Variants in ACAP2 observed in about 807,000 individuals in gnomAD.
ACAP2 encodes arf-GAP with coiled-coil, ANK repeat and PH domain-containing protein 2.
A neutral mutation model predicts 115.8 loss-of-function variants in ACAP2; 39 were observed. That is an observed-to-expected ratio of 0.34 (90% CI 0.26 to 0.44). The LOEUF is 0.44. Among genes scored for constraint, ACAP2 ranks in the 20% least tolerant of loss-of-function variants. The pLI is 1.00. For missense variants in ACAP2, 662 were observed against 927.6 expected (o/e 0.71, Z 3.72); for synonymous variants, 289 against 315.8 (o/e 0.92, Z 0.90).
intron 4 of ACAP2, among the ~76,000 whole-genome samples, chr3:195,380,752 G>A (rs1395972115): frequency 6.6e-6 from 1 of 152,094 alleles, no homozygotes; most frequent in Non-Finnish European, 1.5e-5. Flanking sequence ...TTGGGTATAT[G>A]TCCTTCAATG....
chr3:195,309,189 T>C (rs890517488), intron 10 of ACAP2, among the ~76,000 whole-genome samples: 3 of 152,202 alleles, frequency 2.0e-5, no homozygotes, highest in African/African-American at 7.2e-5. Flanking sequence ...ACTGAACTCT[T>C]TCCCAAGAAA....
chr3:195,439,188 G>A (rs1291750960), intron 1 of ACAP2, among the ~76,000 whole-genome samples: 1 of 136,200 alleles, frequency 7.3e-6, no homozygotes, highest in Non-Finnish European at 1.5e-5. Flanking sequence ...CCAAGGCTAA[G>A]GCCTTTTTTT....
chr3:195,403,447 A>T (rs1270206145), intron 1 of ACAP2, among the ~76,000 whole-genome samples: 1 of 152,224 alleles, frequency 6.6e-6, no homozygotes. Flanking sequence ...GCAAAGAAAC[A>T]AAAGAGGAAG....
At chr3:195,392,637 C>G (rs1734755315) in intron 1 of ACAP2, among the ~76,000 whole-genome samples, 1 of 152,164 alleles carries the variant, frequency 6.6e-6, no homozygotes, top group Non-Finnish European at 1.5e-5. Context: ...CATCTCTCTT[C>G]TTCTCCTAGC....
intron 21 of ACAP2, among the ~76,000 whole-genome samples, chr3:195,286,195 G>C (rs1016687706): frequency 2.0e-5 from 3 of 152,172 alleles, no homozygotes; most frequent in African/African-American, 7.2e-5. Flanking sequence ...ACTGCCAACT[G>C]TTGAAATTAT....
In ACAP2 at chr3:195,278,555, A is replaced by C. The variant is rs1325026967; in HGVS notation, c.*773T>G. 6.6e-6 allele frequency: 1 copy of C among 152,130 alleles called. No individual in the cohort carries two copies. The highest frequency in any genetic ancestry group is 1.5e-5 in the Non-Finnish European group (1 of 68,020). 9.4% of individuals were successfully genotyped at this position (152,130 alleles called of 1,614,324 possible). A position where few individuals can be genotyped will look rare whatever the true frequency, so the allele number is the denominator to read the frequency against. On this transcript the variant is annotated 3_prime_UTR_variant, in exon 23 of 23. Coordinates refer to ENST00000326793, the MANE Select transcript of ACAP2 (RefSeq NM_012287.6). ...CTTTTATTCCATCGATACATCTGTC[A>C]AGGTTTTGGGGAATCAACCCAACAA...
chr3:195,409,394 G>C (rs1560340424), intron 1 of ACAP2, among the ~76,000 whole-genome samples: 1 of 151,618 alleles, frequency 6.6e-6, no homozygotes, highest in Non-Finnish European at 1.5e-5. Context: ...TAAGTTGAAA[G>C]GCTTGTACAA....
Position 195,424,222 on chromosome 3 carries a change from ATATG to A in ACAP2, c.53+18569_53+18572del, listed in dbSNP as rs1211602464. Among the ~76,000 whole-genome samples, 188 of 80,986 alleles carry A rather than the reference ATATG, an allele frequency of 2.3e-3. 1 individual carries two copies. Among genetic ancestry groups the A allele is most frequent in the Non-Finnish European group, 3.5e-3 (163 of 47,132 alleles). 53.1% of individuals were successfully genotyped at this position (80,986 alleles called of 152,430 possible). A position where few individuals can be genotyped will look rare whatever the true frequency, so the allele number is the denominator to read the frequency against. On this transcript the variant is annotated intron_variant, in intron 1 of 22. Transcript: ENST00000326793. The stretch of plus-strand genomic sequence containing the variant: ...TATATATAAAATACTTAGAATGGTC[ATATG>A]TGTGTGTGTGTGTGTGTGGTGTGTG...
chr3:195,340,083 G>A (rs1162932040), intron 6 of ACAP2, among the ~76,000 whole-genome samples: 2 of 151,160 alleles, frequency 1.3e-5, no homozygotes, highest in African/African-American at 2.4e-5. Context: ...TAGTGACAGG[G>A]CAGGTAAAAG....
In ACAP2 at chr3:195,295,851, C is replaced by T. The variant is rs750220470; in HGVS notation, c.1529G>A (p.Arg510Lys). The T allele has an allele frequency of 2.5e-6, 4 of 1,613,698 alleles. No individual in the cohort carries two copies. The highest frequency in any genetic ancestry group is 1.7e-4 in the Middle Eastern group (1 of 6,052). The change falls in exon 17 of 23, where the codon AGG becomes AAG. Residue 510 changes from arginine to lysine, a missense_variant. Coordinates refer to ENST00000326793, the MANE Select transcript of ACAP2 (RefSeq NM_012287.6). ...EAYIRAKYVE[R>K]KFVDKYSISL... ...TATAGAATATTTATCCACAAATTTC[C>T]TCTCCACATATTTTGCTCTGATATA...
chr3:195,304,163 C>CAAAAAAAA lies in ACAP2; in HGVS notation c.1117-1997_1117-1990dup, dbSNP rs56055597. On this transcript the variant is annotated intron_variant, in intron 13 of 22. Transcript: ENST00000326793. ...TGGGCAATGGAGTGAGACTCCATCTCAAAAAAAAAAAAAAAAAAAAAAAAA... is the reference window on the plus strand; with the variant it reads ...TGGGCAATGGAGTGAGACTCCATCTCAAAAAAAAAAAAAAAAAAAAAAAAAAAAAAAAA... 4.0e-4 allele frequency among the ~76,000 whole-genome samples: 25 copies of CAAAAAAAA among 63,274 alleles called. 3 individuals are homozygous for CAAAAAAAA. Among genetic ancestry groups the CAAAAAAAA allele is most frequent in the South Asian group, 8.1e-4 (1 of 1,240 alleles). 41.5% of individuals were successfully genotyped at this position (63,274 alleles called of 152,430 possible).
intron 20 of ACAP2, among the ~76,000 whole-genome samples, 193 bp downstream of exon 20, chr3:195,291,513 A>G (rs551670942): frequency 6.6e-6 from 1 of 152,370 alleles, no homozygotes; most frequent in East Asian, 1.9e-4. Flanking sequence ...AAATTTTTGT[A>G]TCTGAAAACC....
intron 9 of ACAP2, 63 bp downstream of exon 9, chr3:195,326,822 A>C: frequency 7.0e-7 from 1 of 1,426,046 alleles, no homozygotes. Context: ...GATACCTTGC[A>C]TAAACCAACA....
chr3:195,388,868 G>A (rs1053626552), intron 2 of ACAP2, among the ~76,000 whole-genome samples: 5 of 151,470 alleles, frequency 3.3e-5, no homozygotes, highest in Admixed American at 1.3e-4. Flanking sequence ...CTATAAATAC[G>A]AAAAAATTAG....
chr3:195,437,595 C>T (rs922034756), intron 1 of ACAP2, among the ~76,000 whole-genome samples: 1 of 151,954 alleles, frequency 6.6e-6, no homozygotes, highest in Admixed American at 6.6e-5. Flanking sequence ...GCTGGTGGAT[C>T]ACAAGGTCAG....
In ACAP2 at chr3:195,276,443, ATTAC is replaced by A. The variant is rs1423058101; in HGVS notation, c.*2881_*2884del. ...TGAAGCATTTGCAAATGACTGCTCA[ATTAC>A]TTTTATTCTAGCTCTAACATGAAAT... On this transcript the variant is annotated 3_prime_UTR_variant, in exon 23 of 23. Transcript: ENST00000326793. 4 of 152,204 alleles carry A rather than the reference ATTAC, an allele frequency of 2.6e-5. No individual in the cohort carries two copies. The highest frequency in any genetic ancestry group is 3.8e-4 in the East Asian group (2 of 5,200). The allele number at this position is 152,204 out of a possible 1,614,324, so 9.4% of individuals were successfully genotyped here.
At chr3:195,300,034 CTTTTTTTTTCTTTTTT>C (rs1288078345) in intron 15 of ACAP2, among the ~76,000 whole-genome samples, 4 of 141,934 alleles carry the variant, frequency 2.8e-5, no homozygotes, top group South Asian at 2.2e-4. Context: ...TTTCTTTTTT[CTTTTTTTTTCTTTTTT>C]TTTTTTTTTT....
chr3:195,378,511 C>CAAAAAAAAAAAAAAAAAA (rs111244710), intron 4 of ACAP2, among the ~76,000 whole-genome samples: 1 of 147,506 alleles, frequency 6.8e-6, no homozygotes, highest in East Asian at 2.1e-4. Flanking sequence ...ACAAAACAAA[C>CAAAAAAAAAAAAAAAAAA]AAACAAAAAA....
At chr3:195,338,470 C>G (rs1730659023) in intron 6 of ACAP2, among the ~76,000 whole-genome samples, 2 of 152,104 alleles carry the variant, frequency 1.3e-5, no homozygotes, top group African/African-American at 4.8e-5. Flanking sequence ...CAGGTGCACA[C>G]CACCAGACCT....
Sources: gnomAD v4.1 joint callset for allele counts (sites outside exome capture counted in the v4.1 genomes callset) on GRCh38, gnomAD v4.1.1 for gene constraint, MANE v1.5 for transcripts, NCBI Gene and HGNC (gene_info 2026-07-23, HGNC 2026-07-21) for gene names.